RASGEF1C: variants seen among roughly 807,000 people sequenced by gnomAD.
RASGEF1C encodes RasGEF domain family member 1C.
RASGEF1C carries 27 observed loss-of-function variants against 58.1 expected under a neutral mutation model. The ratio of observed to expected loss-of-function variants is 0.46; its 90% CI spans 0.34 to 0.64. The LOEUF (loss-of-function observed/expected upper bound fraction) is 0.64. RASGEF1C is among the 30% of genes least tolerant of loss of function. RASGEF1C has a pLI of 0.01. For synonymous variants in RASGEF1C, 243 were observed against 246.3 expected (o/e 0.99, Z 0.13); for missense variants, 502 against 605.1 (o/e 0.83, Z 1.79).
At chr5:180,202,606 AAAGT>A (rs1756413173) in intron 1 of RASGEF1C, among the ~76,000 whole-genome samples, 1 of 152,234 alleles carries the variant, frequency 6.6e-6, no homozygotes, top group South Asian at 2.1e-4. Context: ...TTAGGGACAG[AAAGT>A]AAGAGGCAAG....
intron 4 of RASGEF1C, among the ~76,000 whole-genome samples, chr5:180,131,390 G>A (rs755210838): frequency 5.7e-5 from 8 of 141,092 alleles, no homozygotes; most frequent in East Asian, 2.5e-4. Context: ...CCATGTCCCC[G>A]GCAGGATCTG....
intron 12 of RASGEF1C, among the ~76,000 whole-genome samples, chr5:180,107,310 T>A (rs1765887514): frequency 6.6e-6 from 1 of 152,162 alleles, no homozygotes. Context: ...GTCTATTTTT[T>A]TGTTTTCTTT....
intron 1 of RASGEF1C, among the ~76,000 whole-genome samples, chr5:180,154,097 C>T (rs1486767127): frequency 6.6e-6 from 1 of 152,196 alleles, no homozygotes; most frequent in East Asian, 1.9e-4. Flanking sequence ...TTACTTCTCT[C>T]TGTGAAGGGC....
intron 6 of RASGEF1C, among the ~76,000 whole-genome samples, chr5:180,125,142 A>G (rs1766233516): frequency 6.6e-6 from 1 of 152,162 alleles, no homozygotes; most frequent in South Asian, 2.1e-4. Flanking sequence ...CAAAAATACC[A>G]ACAACAACAA....
At chr5:180,159,073 T>C (rs943107216) in intron 1 of RASGEF1C, among the ~76,000 whole-genome samples, 104 of 152,162 alleles carry the variant, frequency 6.8e-4, no homozygotes, top group Non-Finnish European at 1.5e-4. Flanking sequence ...TTGTTCTTTT[T>C]TTCAGAGATG....
rs558978221 is a variant in RASGEF1C at position 180,101,256 on chromosome 5, G to T, written c.*245C>A. ...GGCCCCACGGTCCTGAAGGCAGGAT[G>T]TCCCCAAGGCATGTGCCGCCCGCAC... On this transcript the variant is annotated 3_prime_UTR_variant, in exon 14 of 14. Coordinates refer to ENST00000361132, the MANE Select transcript of RASGEF1C (RefSeq NM_175062.4). 863 of 566,230 alleles carry T rather than the reference G, an allele frequency of 1.5e-3. 5 individuals carry two copies. The highest frequency in any genetic ancestry group is 0.015 in the African/African-American group (778 of 53,270). 35.1% of individuals were successfully genotyped at this position (566,230 alleles called of 1,614,324 possible).
At chr5:180,176,296 G>C (rs1767224708) in intron 1 of RASGEF1C, among the ~76,000 whole-genome samples, 1 of 152,238 alleles carries the variant, frequency 6.6e-6, no homozygotes, top group African/African-American at 2.4e-5. Flanking sequence ...AGCAGCCGTG[G>C]GAGGGCACTT....
intron 5 of RASGEF1C, 54 bp downstream of exon 5, chr5:180,128,356 T>C: frequency 6.7e-7 from 1 of 1,491,514 alleles, no homozygotes; most frequent in South Asian, 1.1e-5. Flanking sequence ...GCACAGTGTA[T>C]CTGTGTGTGT....
intron 1 of RASGEF1C, among the ~76,000 whole-genome samples, chr5:180,169,405 G>C (rs562765417): frequency 6.6e-6 from 1 of 152,116 alleles, no homozygotes; most frequent in Admixed American, 6.5e-5. Flanking sequence ...TTTGAAGGGG[G>C]CTCCAGTGTC....
intron 1 of RASGEF1C, among the ~76,000 whole-genome samples, chr5:180,151,250 G>A (rs922702829): frequency 2.0e-5 from 3 of 152,048 alleles, no homozygotes; most frequent in African/African-American, 4.8e-5. Context: ...AAAGACCCCC[G>A]CATTGCCAAG....
At chr5:180,165,133 T>C (rs987143307) in intron 1 of RASGEF1C, among the ~76,000 whole-genome samples, 1 of 152,202 alleles carries the variant, frequency 6.6e-6, no homozygotes, top group Non-Finnish European at 1.5e-5. Flanking sequence ...TCCCATTCTT[T>C]CTCTTTGAAC....
chr5:180,181,930 G>A (rs181870101), intron 1 of RASGEF1C, among the ~76,000 whole-genome samples: 52 of 150,804 alleles, frequency 3.4e-4, no homozygotes, highest in East Asian at 3.4e-3. Flanking sequence ...TGGGCCGGGC[G>A]CAGTGGCTCA....
chr5:180,193,647 TAA>T (rs1194163118), intron 1 of RASGEF1C, among the ~76,000 whole-genome samples: 1 of 152,080 alleles, frequency 6.6e-6, no homozygotes, highest in East Asian at 1.9e-4. Context: ...TGTTACAGAA[TAA>T]AAGAGACTTA....
In RASGEF1C at chr5:180,193,623, C is replaced by T. The variant is rs184723312; in HGVS notation, c.-7+15405G>A. 4.6e-5 allele frequency among the ~76,000 whole-genome samples: 7 copies of T among 152,200 alleles called. No homozygotes were observed. In the East Asian group the frequency reaches 1.3e-3, roughly 29 times the overall value. ...AAAAAACAAATAAAAACCAACCAAC[C>T]AAACAAAAAGAACTGTTACAGAATA... is the stretch of plus-strand genomic sequence containing the variant. On this transcript the variant is annotated intron_variant, in intron 1 of 13. Coordinates refer to ENST00000361132, the MANE Select transcript of RASGEF1C (RefSeq NM_175062.4).
At chr5:180,190,461 G>T (rs551497282) in intron 1 of RASGEF1C, among the ~76,000 whole-genome samples, 3,093 of 131,242 alleles carry the variant, frequency 0.024, 100 homozygotes, top group Non-Finnish European at 0.032. Flanking sequence ...CTGCACTCCA[G>T]ACTGGGTGAC....
chr5:180,157,833 CAG>C (rs1766875993), intron 1 of RASGEF1C, among the ~76,000 whole-genome samples: 1 of 152,066 alleles, frequency 6.6e-6, no homozygotes, highest in South Asian at 2.1e-4. Flanking sequence ...AGGTGAAACA[CAG>C]AGGATTTCTA....
intron 1 of RASGEF1C, among the ~76,000 whole-genome samples, chr5:180,181,676 G>T (rs1767329891): frequency 6.6e-6 from 1 of 152,332 alleles, no homozygotes; most frequent in Non-Finnish European, 1.5e-5. Flanking sequence ...GGTTCAGAGG[G>T]AATGTGTCCC....
rs1201153402 is a variant in RASGEF1C at position 180,105,867 on chromosome 5, C to CA, written c.1304-3725dup. Among the ~76,000 whole-genome samples the CA allele has an allele frequency of 8.0e-3, 1,126 of 141,310 alleles. 14 individuals carry two copies. Among genetic ancestry groups the CA allele is most frequent in the African/African-American group, 0.027 (1,036 of 38,452 alleles). 92.7% of individuals were successfully genotyped at this position (141,310 alleles called of 152,430 possible). On this transcript the variant is annotated intron_variant, in intron 12 of 13. Transcript: ENST00000361132. ...TGGGTGACAGAGCGAGACTCTGTCT[C>CA]AAAAAAAAAAAGAAGTAAAATGAGG...
In RASGEF1C at chr5:180,128,390, G is replaced by A. The variant is rs764051671; in HGVS notation, c.639+20C>T. 24 of 1,605,730 alleles carry A rather than the reference G, an allele frequency of 1.5e-5. No homozygotes were observed. The highest frequency in any genetic ancestry group is 5.4e-5 in the African/African-American group (4 of 74,708). On this transcript the variant is annotated intron_variant, in intron 5 of 13. Coordinates refer to ENST00000361132, the MANE Select transcript of RASGEF1C (RefSeq NM_175062.4). ...GTCCTGCTGAATCCCGGGTGAGGAA[G>A]GTGGTTTGGGCCGGCTTACCAGTTC...
Sources: gnomAD v4.1 joint callset for allele counts (sites outside exome capture counted in the v4.1 genomes callset) on GRCh38, gnomAD v4.1.1 for gene constraint, MANE v1.5 for transcripts, NCBI Gene and HGNC (gene_info 2026-07-23, HGNC 2026-07-21) for gene names.